The following STXBP4 variants were observed in gnomAD, a reference collection of about 807,000 sequenced individuals.
The protein encoded by STXBP4 is syntaxin binding protein 4, also known as syntaxin-binding protein 4.
Under a neutral mutation model 76.1 loss-of-function variants are expected in STXBP4, and 55 were observed. The ratio of observed to expected loss-of-function variants is 0.72; its 90% CI spans 0.58 to 0.91. The LOEUF is 0.91. Among genes scored for constraint, STXBP4 ranks in the 40% least tolerant of loss-of-function variants. The pLI is 0.00. For synonymous variants in STXBP4, 201 were observed against 220.2 expected, an observed-to-expected ratio of 0.91 and a Z score of 0.77; for missense variants, 618 against 636.9, an observed-to-expected ratio of 0.97 and a Z score of 0.32.
At chr17:55,098,172 G>A (rs11653535) in intron 16 of STXBP4, among the ~76,000 whole-genome samples, 31,599 of 151,888 alleles carry the variant, frequency 0.21, 3,478 homozygotes, top group Middle Eastern at 0.34. Flanking sequence ...ATGATCTATC[G>A]TTACATTACT....
intron 10 of STXBP4, 51 bp downstream of exon 10, chr17:55,034,310 G>T: frequency 1.5e-6 from 2 of 1,314,382 alleles, no homozygotes; most frequent in South Asian, 3.1e-5. Context: ...CACAAGTCTT[G>T]AATGTTATAT....
chr17:55,007,216 G>C (rs2078024755), intron 7 of STXBP4, among the ~76,000 whole-genome samples: 1 of 151,876 alleles, frequency 6.6e-6, no homozygotes, highest in African/African-American at 2.4e-5. Flanking sequence ...GCATGCACCT[G>C]TAGTCCCAGC....
intron 1 of STXBP4, among the ~76,000 whole-genome samples, chr17:54,980,429 CACAA>C (rs1459773590): frequency 2.6e-5 from 4 of 152,100 alleles, no homozygotes; most frequent in African/African-American, 9.7e-5. Flanking sequence ...GGACAAAATG[CACAA>C]ACAAAGCAAG....
chr17:55,048,379 A>C (rs1324210812), intron 12 of STXBP4, among the ~76,000 whole-genome samples: 2 of 151,924 alleles, frequency 1.3e-5, no homozygotes, highest in Non-Finnish European at 2.9e-5. Flanking sequence ...TTTCTGTGAA[A>C]TAAAAAAGTA....
intron 16 of STXBP4, among the ~76,000 whole-genome samples, chr17:55,140,442 G>A (rs765811335): frequency 6.6e-5 from 10 of 152,106 alleles, no homozygotes; most frequent in Non-Finnish European, 1.5e-4. Flanking sequence ...CCTGAGTCGT[G>A]ATAAGCCAGT....
chr17:55,090,605 A>G (rs941603913), intron 16 of STXBP4, among the ~76,000 whole-genome samples: 2 of 152,208 alleles, frequency 1.3e-5, no homozygotes, highest in African/African-American at 4.8e-5. Context: ...ATAAAAATGT[A>G]TAACATATAT....
In STXBP4 at chr17:55,021,362, A is replaced by T. The variant is rs572906705; in HGVS notation, c.667-9806A>T. 1.8e-4 allele frequency among the ~76,000 whole-genome samples: 28 copies of T among 152,126 alleles called. 1 individual carries two copies. The highest frequency in any genetic ancestry group is 6.8e-3 in the Middle Eastern group (2 of 294). On this transcript the variant is annotated intron_variant, in intron 8 of 17. Coordinates refer to ENST00000376352, the MANE Select transcript of STXBP4 (RefSeq NM_178509.6). ...CAAAATGAGATCCCATATCTCAAAAATTTTTTTAAAAATTAGCCAGTTGTG... is the reference window on the plus strand; with the variant it reads ...CAAAATGAGATCCCATATCTCAAAATTTTTTTTAAAAATTAGCCAGTTGTG...
chr17:55,130,460 C>T (rs1440156512), intron 16 of STXBP4, among the ~76,000 whole-genome samples: 5 of 152,162 alleles, frequency 3.3e-5, no homozygotes, highest in Non-Finnish European at 7.3e-5. Flanking sequence ...TATATACATA[C>T]ATTATGGAAT....
rs2079224724 is a variant in STXBP4 at position 55,079,062 on chromosome 17, A to T, written c.1355+327A>T. Among the ~76,000 whole-genome samples, 4 of 152,216 alleles carry T rather than the reference A, an allele frequency of 2.6e-5. No individual in the cohort carries two copies. In the South Asian group the frequency reaches 8.3e-4, roughly 31 times the overall value. The stretch of plus-strand genomic sequence containing the variant: ...ATTGTCTTGCGTATGAATCAAAGTT[A>T]CTGGTCACAGGTTCACTACTAAAAG... On this transcript the variant is annotated intron_variant, in intron 15 of 17. Transcript: ENST00000376352.
At chr17:54,997,007 G>A (rs1056213930) in intron 4 of STXBP4, among the ~76,000 whole-genome samples, 2 of 152,190 alleles carry the variant, frequency 1.3e-5, no homozygotes, top group Admixed American at 6.5e-5. Flanking sequence ...ATATGAAAGT[G>A]CTTGGCACAT....
At chr17:55,113,846 A>G (rs1007589320) in intron 16 of STXBP4, among the ~76,000 whole-genome samples, 5 of 152,028 alleles carry the variant, frequency 3.3e-5, no homozygotes, top group South Asian at 2.1e-4. Context: ...TGTTTTTTGC[A>G]TAATGAAAGA....
intron 14 of STXBP4, 23 bp from the exon 15 acceptor site, chr17:55,078,663 T>G: frequency 6.8e-7 from 1 of 1,466,376 alleles, no homozygotes. Context: ...ATATATCTCC[T>G]TCACCATCTT....
the STXBP4 span, among the ~76,000 whole-genome samples, chr17:55,200,370 C>T: frequency 6.6e-6 from 1 of 152,180 alleles, no homozygotes; most frequent in Admixed American, 6.5e-5. Flanking sequence ...GAGGTCCTCC[C>T]TAGATAAGAC....
chr17:55,145,779 G>A (rs1184806904), intron 17 of STXBP4, among the ~76,000 whole-genome samples: 1 of 152,124 alleles, frequency 6.6e-6, no homozygotes, highest in Non-Finnish European at 1.5e-5. Context: ...ATATGCAGGT[G>A]AGCAGAGCTT....
At chr17:54,975,277 G>T (rs988625749) in intron 1 of STXBP4, among the ~76,000 whole-genome samples, 1 of 152,138 alleles carries the variant, frequency 6.6e-6, no homozygotes, top group African/African-American at 2.4e-5. Context: ...TAGTAGCTGG[G>T]ATTACAGGCG....
At chr17:55,044,246 A>G (rs908395513) in intron 11 of STXBP4, 4 of 152,048 alleles carry the variant, frequency 2.6e-5, no homozygotes, top group Non-Finnish European at 5.9e-5. Context: ...ATATTTTCCA[A>G]ATCTTTAGGA....
intron 16 of STXBP4, among the ~76,000 whole-genome samples, chr17:55,107,429 C>T (rs2079648522): frequency 6.6e-6 from 1 of 152,144 alleles, no homozygotes; most frequent in Admixed American, 6.5e-5. Context: ...CTTCTGAAGC[C>T]TACTTCTGTC....
intron 16 of STXBP4, among the ~76,000 whole-genome samples, chr17:55,089,103 T>C (rs2079377031): frequency 6.6e-6 from 1 of 152,166 alleles, no homozygotes; most frequent in Non-Finnish European, 1.5e-5. Context: ...GATCTCATAA[T>C]ATCAAAGTGG....
Position 55,040,893 on chromosome 17 carries a change from C to T in STXBP4, c.856-2343C>T, listed in dbSNP as rs190318602. 2.4e-3 allele frequency among the ~76,000 whole-genome samples: 361 copies of T among 152,210 alleles called. 1 individual carries two copies. Among genetic ancestry groups the T allele is most frequent in the Non-Finnish European group, 3.9e-3 (264 of 68,014 alleles). On this transcript the variant is annotated intron_variant, in intron 10 of 17. Coordinates refer to ENST00000376352, the MANE Select transcript of STXBP4 (RefSeq NM_178509.6). ...TGTTAAATAACAACAATTCATTTGCCGCTTCCTTAGCTGAAGTATATTTGA... is the reference window on the plus strand; with the variant it reads ...TGTTAAATAACAACAATTCATTTGCTGCTTCCTTAGCTGAAGTATATTTGA...
Sources: allele counts gnomAD v4.1 joint callset (sites outside exome capture counted in the v4.1 genomes callset), GRCh38; gene constraint gnomAD v4.1.1; transcripts MANE v1.5; gene names NCBI Gene and HGNC (gene_info 2026-07-23, HGNC 2026-07-21).